TMEM88: variants seen among roughly 807,000 people sequenced by gnomAD.
TMEM88 encodes the protein transmembrane protein 88.
A neutral mutation model predicts 10.0 loss-of-function variants in TMEM88; 8 were observed. The observed-to-expected ratio is 0.80, with a 90% CI of 0.47 to 1.44. The LOEUF (loss-of-function observed/expected upper bound fraction) is 1.44. Among genes scored for constraint, TMEM88 ranks in the 40% most tolerant of loss-of-function variants. TMEM88 has a pLI of 0.00. For synonymous variants in TMEM88, 139 were observed against 104.9 expected (o/e 1.33, Z -1.99); for missense variants, 255 against 217.8 (o/e 1.17, Z -1.07).
chr17:7,856,043 G>A lies in TMEM88; in HGVS notation c.*329G>A. ...CTTCTCTAGTATTTCTGGGGCTGGG[G>A]GGCGGGGCTGGAGGGGAAGGAGTGT... On this transcript the variant is annotated 3_prime_UTR_variant, in exon 2 of 2. Coordinates refer to ENST00000301599, the MANE Select transcript of TMEM88 (RefSeq NM_203411.2). 2 of 1,176,962 alleles carry A rather than the reference G, an allele frequency of 1.7e-6. No homozygotes were observed. The highest frequency in any genetic ancestry group is 1.6e-5 in the African/African-American group (1 of 63,014). 72.9% of individuals were successfully genotyped at this position (1,176,962 alleles called of 1,614,324 possible).
rs2078800230 is a variant in TMEM88, at chr17:7,855,705, C to G, written c.471C>G (p.Val157=). The change falls in exon 2 of 2, where the codon GTC becomes GTG. Residue 157 remains valine, a synonymous_variant. Transcript: ENST00000301599. ...AGGCCGTTCCCACATCAGGAAAGGT[C>G]TGGGTCTAATGACCCTCGAGTCAAG... ...GSQAVPTSGK[V]WV The G allele has an allele frequency of 2.5e-6, 4 of 1,570,148 alleles. No homozygotes were observed. The highest frequency in any genetic ancestry group is 3.5e-6 in the Non-Finnish European group (4 of 1,156,214).
Position 7,855,627 on chromosome 17 carries a change from T to C in TMEM88, c.393T>C (p.Tyr131=). ...DCLVPYSRAL[Y]RRRRAPQPRQ... is the part of the protein sequence containing the mutation. ...TCGTGCCCTACAGCCGAGCCCTTTA[T>C]CGGCGTCGGCGCGCCCCGCAGCCGC... Residue 131 remains tyrosine, a synonymous_variant, in exon 2 of 2, where the codon TAT becomes TAC. Coordinates refer to ENST00000301599, the MANE Select transcript of TMEM88 (RefSeq NM_203411.2). The C allele has an allele frequency of 1.2e-6, 2 of 1,608,586 alleles. No individual in the cohort carries two copies. Among genetic ancestry groups the C allele is most frequent in the Non-Finnish European group, 1.7e-6 (2 of 1,179,346 alleles).
rs2078791252 is a variant in TMEM88 at position 7,855,300 on chromosome 17, G to C, written c.210+16G>C. The stretch of plus-strand genomic sequence containing the variant: ...CCACTCTCAGGTGAGCGTGCGCCCC[G>C]GGGTGTGCGTGTGAGTGTGAGTGTT... On this transcript the variant is annotated intron_variant, in intron 1 of 1. Transcript: ENST00000301599. 2 of 1,589,684 alleles carry C rather than the reference G, an allele frequency of 1.3e-6. No individual in the cohort carries two copies. Among genetic ancestry groups the C allele is most frequent in the African/African-American group, 1.3e-5 (1 of 74,730 alleles).
chr17:7,855,116 C>T lies in TMEM88; in HGVS notation c.42C>T (p.Asp14=), dbSNP rs749589269. The T allele has an allele frequency of 4.9e-5, 78 of 1,608,220 alleles. No individual in the cohort carries two copies. The highest frequency in any genetic ancestry group is 6.4e-5 in the Non-Finnish European group (76 of 1,179,662). Residue 14 remains aspartate (D), a synonymous_variant, in exon 1 of 2, where the codon GAC becomes GAT. Transcript: ENST00000301599. ...GGGCACAGCGAGCGGTTCCTGGTGA[C>T]GGCCCAGAGCCCCGGGACCCCCTGG... ...VPGAQRAVPG[D]GPEPRDPLDC... is the part of the protein sequence containing the mutation.
rs1161761297 is a variant in TMEM88, at chr17:7,855,748, C to T, written c.*34C>T. The T allele has an allele frequency of 4.0e-6, 6 of 1,483,592 alleles. No individual in the cohort carries two copies. Among genetic ancestry groups the T allele is most frequent in the Non-Finnish European group, 4.5e-6 (5 of 1,114,924 alleles). 91.9% of individuals were successfully genotyped at this position (1,483,592 alleles called of 1,614,324 possible). A position where few individuals can be genotyped will look rare whatever the true frequency, so the allele number is the denominator to read the frequency against. ...GAGTCAAGAACAACCCTGACGGCTG[C>T]CCTCCCTCTTATTCGGCCCAAGGAC... On this transcript the variant is annotated 3_prime_UTR_variant, in exon 2 of 2. Transcript: ENST00000301599.
rs1004491881 is a variant in TMEM88 at position 7,855,521 on chromosome 17, T to C, written c.287T>C (p.Phe96Ser). Reference sequence around the variant, plus strand: ...TTCACGGCCCTACTGGTCACCGGATTCCTGCTCCTCGTGCCGCTGCTCGTG... The same window carrying C: ...TTCACGGCCCTACTGGTCACCGGATCCCTGCTCCTCGTGCCGCTGCTCGTG... ...PGFTALLVTGFLLLVPLLVLA... is the reference protein window; with the variant it reads ...PGFTALLVTGSLLLVPLLVLA... The change falls in exon 2 of 2, where the codon TTC (phenylalanine) becomes TCC (serine). Residue 96 changes from phenylalanine to serine, a missense_variant. Physicochemically the swap from Phe to Ser is radical, Grantham distance 155. Transcript: ENST00000301599. 6.2e-7 allele frequency: 1 copy of C among 1,608,820 alleles called. No homozygotes were observed. The highest frequency in any genetic ancestry group is 8.5e-7 in the Non-Finnish European group (1 of 1,179,940).
intron 1 of TMEM88, 44 bp downstream of exon 1, chr17:7,855,328 T>G: frequency 6.3e-7 from 1 of 1,588,976 alleles, no homozygotes; most frequent in South Asian, 1.1e-5. Context: ...TGAGTGTTGG[T>G]GTGTGGTGAT....
At position 7,855,892 on chromosome 17, in the gene TMEM88, G is replaced by T; in HGVS notation, c.*178G>T. The T allele has an allele frequency of 7.2e-7, 1 of 1,390,392 alleles. No homozygotes were observed. Among genetic ancestry groups the T allele is most frequent in the Non-Finnish European group, 9.3e-7 (1 of 1,075,486 alleles). The allele number at this position is 1,390,392 out of a possible 1,614,324, so 86.1% of individuals were successfully genotyped here. On this transcript the variant is annotated 3_prime_UTR_variant, in exon 2 of 2. Transcript: ENST00000301599. ...GTGCTGAGAAAAGCCCCCACATCCC[G>T]GAAAACCCACTTTCCTTTCACGACC...
Position 7,855,603 on chromosome 17 carries a change from C to G in TMEM88, c.369C>G (p.Leu123=). 2 of 1,608,836 alleles carry G rather than the reference C, an allele frequency of 1.2e-6. No individual in the cohort carries two copies. Among genetic ancestry groups the G allele is most frequent in the Non-Finnish European group, 1.7e-6 (2 of 1,179,880 alleles). ...TGCGCCTCCGCCTAGCCGATTGCCTCGTGCCCTACAGCCGAGCCCTTTATC... is the reference window on the plus strand; with the variant it reads ...TGCGCCTCCGCCTAGCCGATTGCCTGGTGCCCTACAGCCGAGCCCTTTATC... ...LCLRLRLADC[L]VPYSRALYRR... The change falls in exon 2 of 2, where the codon CTC becomes CTG. Residue 123 remains leucine (L), a synonymous_variant. Coordinates refer to ENST00000301599, the MANE Select transcript of TMEM88 (RefSeq NM_203411.2).
Position 7,855,759 on chromosome 17 carries a change from A to T in TMEM88, c.*45A>T. The T allele has an allele frequency of 6.8e-7, 1 of 1,466,940 alleles. No homozygotes were observed. Among genetic ancestry groups the T allele is most frequent in the Non-Finnish European group, 9.0e-7 (1 of 1,107,902 alleles). 90.9% of individuals were successfully genotyped at this position (1,466,940 alleles called of 1,614,324 possible). ...AACCCTGACGGCTGCCCTCCCTCTT[A>T]TTCGGCCCAAGGACTTGAAGCCCGG... On this transcript the variant is annotated 3_prime_UTR_variant, in exon 2 of 2. Transcript: ENST00000301599.
At position 7,855,847 on chromosome 17, in the gene TMEM88, C is replaced by A; in HGVS notation, c.*133C>A. The A allele has an allele frequency of 1.4e-6, 2 of 1,422,562 alleles. No homozygotes were observed. The highest frequency in any genetic ancestry group is 1.8e-6 in the Non-Finnish European group (2 of 1,091,130). The allele number at this position is 1,422,562 out of a possible 1,614,324, so 88.1% of individuals were successfully genotyped here. A position where few individuals can be genotyped will look rare whatever the true frequency, so the allele number is the denominator to read the frequency against. On this transcript the variant is annotated 3_prime_UTR_variant, in exon 2 of 2. Coordinates refer to ENST00000301599, the MANE Select transcript of TMEM88 (RefSeq NM_203411.2). ...CGGAGTCCTAGCATCCCCTTGGGAG[C>A]AGCAGCGTCAGTGGACCCAGTGCTG...
rs1450458816 is a variant in TMEM88 at position 7,855,854 on chromosome 17, G to A, written c.*140G>A. ...CTAGCATCCCCTTGGGAGCAGCAGC[G>A]TCAGTGGACCCAGTGCTGAGAAAAG... On this transcript the variant is annotated 3_prime_UTR_variant, in exon 2 of 2. Coordinates refer to ENST00000301599, the MANE Select transcript of TMEM88 (RefSeq NM_203411.2). 2.3e-5 allele frequency: 33 copies of A among 1,420,812 alleles called. No individual in the cohort carries two copies. The highest frequency in any genetic ancestry group is 7.3e-6 in the Non-Finnish European group (8 of 1,090,404). 88.0% of individuals were successfully genotyped at this position (1,420,812 alleles called of 1,614,324 possible).
Sources: allele counts gnomAD v4.1 joint callset, GRCh38; gene constraint gnomAD v4.1.1; transcripts MANE v1.5; gene names NCBI Gene and HGNC (gene_info 2026-07-23, HGNC 2026-07-21).